Variants in ROBO1 observed in about 807,000 individuals in gnomAD.
ROBO1 encodes roundabout homolog 1.
ROBO1 carries 149 observed loss-of-function variants against 195.9 expected under a neutral mutation model. The ratio of observed to expected loss-of-function variants is 0.76; its 90% CI spans 0.67 to 0.87. The LOEUF (loss-of-function observed/expected upper bound fraction) is 0.87, where lower values mean the gene tolerates loss of function less well. ROBO1 is among the 40% of genes least tolerant of loss of function. The pLI is 0.00. For synonymous variants in ROBO1, 816 were observed against 733.2 expected (o/e 1.11, Z -1.82); for missense variants, 1,933 against 2,068.3 (o/e 0.93, Z 1.27).
intron 2 of ROBO1, among the ~76,000 whole-genome samples, chr3:79,208,970 G>A (rs532797154): frequency 6.6e-6 from 1 of 151,950 alleles, no homozygotes; most frequent in African/African-American, 2.4e-5. Flanking sequence ...GCTTCAAATT[G>A]GCACAATACT....
intron 3 of ROBO1, among the ~76,000 whole-genome samples, chr3:78,964,427 G>C (rs907189417): frequency 6.6e-6 from 1 of 152,110 alleles, no homozygotes; most frequent in African/African-American, 2.4e-5. Context: ...TTATATGAAG[G>C]GTTCAGTTAA....
At chr3:78,616,097 G>A in intron 27 of ROBO1, among the ~76,000 whole-genome samples, 1 of 152,122 alleles carries the variant, frequency 6.6e-6, no homozygotes, top group East Asian at 1.9e-4. Context: ...TCATTCTACT[G>A]TGTAAGGCCA....
At chr3:79,632,035 T>C (rs952884335) in intron 1 of ROBO1, among the ~76,000 whole-genome samples, 1 of 152,052 alleles carries the variant, frequency 6.6e-6, no homozygotes, top group Non-Finnish European at 1.5e-5. Context: ...TTGGTAGAAA[T>C]GTAAATTAGT....
At chr3:78,780,245 T>C (rs1206787315) in intron 4 of ROBO1, among the ~76,000 whole-genome samples, 1 of 152,118 alleles carries the variant, frequency 6.6e-6, no homozygotes, top group African/African-American at 2.4e-5. Flanking sequence ...TCCCAGAATT[T>C]AAAGTATAAA....
rs1176021960 is a variant in ROBO1, at chr3:78,668,053, A to T, written c.1800-4T>A. On this transcript the variant is annotated splice_polypyrimidine_tract_variant and splice_region_variant and intron_variant, in intron 13 of 30. Transcript: ENST00000464233. ...CCAGCTGCTACCAGATGCATGGCTA[A>T]GGATAGACACACAGGTTAGAACATG... 8.1e-6 allele frequency: 13 copies of T among 1,613,476 alleles called. No individual in the cohort carries two copies. The highest frequency in any genetic ancestry group is 1.1e-5 in the Non-Finnish European group (13 of 1,179,596).
intron 2 of ROBO1, among the ~76,000 whole-genome samples, chr3:79,454,168 T>A (rs1169620328): frequency 6.6e-6 from 1 of 151,414 alleles, no homozygotes; most frequent in Admixed American, 6.6e-5. Flanking sequence ...ACGCAGAGCT[T>A]GCCACAGAGA....
At chr3:79,276,824 T>C (rs1248622601) in intron 2 of ROBO1, among the ~76,000 whole-genome samples, 3 of 151,948 alleles carry the variant, frequency 2.0e-5, no homozygotes, top group East Asian at 3.9e-4. Context: ...AATACATATT[T>C]CTCCAAAGAA....
At chr3:79,171,157 A>G (rs2081157990) in intron 2 of ROBO1, among the ~76,000 whole-genome samples, 1 of 149,896 alleles carries the variant, frequency 6.7e-6, no homozygotes. Flanking sequence ...GTATAATTAA[A>G]TATCTTATGT....
At chr3:78,891,267 G>T (rs1559969249) in intron 4 of ROBO1, among the ~76,000 whole-genome samples, 1 of 152,104 alleles carries the variant, frequency 6.6e-6, no homozygotes, top group Non-Finnish European at 1.5e-5. Context: ...ATAGGCAAAA[G>T]AAATGGAGAG....
intron 1 of ROBO1, among the ~76,000 whole-genome samples, chr3:79,617,916 T>C (rs1229029894): frequency 3.6e-5 from 1 of 28,018 alleles, no homozygotes; most frequent in African/African-American, 1.6e-4. Flanking sequence ...ACTAAAGAGA[T>C]ATATTAAAAA....
intron 2 of ROBO1, among the ~76,000 whole-genome samples, chr3:79,484,954 A>C (rs1267396349): frequency 6.6e-6 from 1 of 151,582 alleles, no homozygotes; most frequent in Non-Finnish European, 1.5e-5. Flanking sequence ...GGGTTTCACC[A>C]TATTGTCCAG....
intron 4 of ROBO1, among the ~76,000 whole-genome samples, chr3:78,888,585 GA>G: frequency 1.3e-5 from 2 of 152,284 alleles, no homozygotes; most frequent in East Asian, 3.9e-4. Context: ...ACCTTAAAAT[GA>G]ATATCGTCAG....
At chr3:78,745,105 C>T (rs1043134616) in intron 5 of ROBO1, among the ~76,000 whole-genome samples, 2 of 151,696 alleles carry the variant, frequency 1.3e-5, no homozygotes, top group South Asian at 2.1e-4. Context: ...GTCAGAAGAT[C>T]GAGACCATCC....
At chr3:79,027,909 G>A (rs1262746993) in intron 3 of ROBO1, among the ~76,000 whole-genome samples, 1 of 152,010 alleles carries the variant, frequency 6.6e-6, no homozygotes, top group Non-Finnish European at 1.5e-5. Context: ...GGTGTTTGCT[G>A]AAGCCAGTGA....
chr3:78,960,563 G>A (rs570385308), intron 3 of ROBO1, among the ~76,000 whole-genome samples: 144 of 151,970 alleles, frequency 9.5e-4, no homozygotes, highest in African/African-American at 3.1e-3. Context: ...GGTGAATCAC[G>A]AGGTCAAGAG....
At chr3:78,799,551 C>T (rs911793183) in intron 4 of ROBO1, among the ~76,000 whole-genome samples, 1 of 152,026 alleles carries the variant, frequency 6.6e-6, no homozygotes, top group Non-Finnish European at 1.5e-5. Context: ...CCGTGTTAGC[C>T]AGGATGGTCT....
At chr3:79,507,239 T>G (rs908652214) in intron 2 of ROBO1, among the ~76,000 whole-genome samples, 15 of 152,218 alleles carry the variant, frequency 9.9e-5, no homozygotes, top group African/African-American at 3.4e-4. Context: ...AAGAGGGTTC[T>G]TTGATAAAAA....
intron 2 of ROBO1, among the ~76,000 whole-genome samples, chr3:79,573,892 G>C (rs1162226502): frequency 6.6e-6 from 1 of 151,988 alleles, no homozygotes; most frequent in Non-Finnish European, 1.5e-5. Flanking sequence ...AAGAGCAACA[G>C]GTAAAAACAA....
At chr3:79,523,206 T>C (rs369342834) in intron 2 of ROBO1, among the ~76,000 whole-genome samples, 1 of 151,516 alleles carries the variant, frequency 6.6e-6, no homozygotes, top group East Asian at 1.9e-4. Context: ...AATTAGTACA[T>C]AGTGATACAG....
Sources: gnomAD v4.1 joint callset for allele counts (sites outside exome capture counted in the v4.1 genomes callset) on GRCh38, gnomAD v4.1.1 for gene constraint, MANE v1.5 for transcripts, NCBI Gene and HGNC (gene_info 2026-07-23, HGNC 2026-07-21) for gene names.